Variants in CDK6 observed in about 807,000 individuals in gnomAD.
CDK6 encodes cyclin-dependent kinase 6.
A neutral mutation model predicts 37.1 loss-of-function variants in CDK6; 6 were observed. That is an observed-to-expected ratio of 0.16 (90% CI 0.09 to 0.32). The LOEUF is 0.32. CDK6 is among the 10% of genes least tolerant of loss of function. The pLI is 1.00. For missense variants in CDK6, 224 were observed against 418.9 expected (o/e 0.53, Z 4.06); for synonymous variants, 160 against 161.3 (o/e 0.99, Z 0.06).
intron 2 of CDK6, among the ~76,000 whole-genome samples, chr7:92,812,155 A>T (rs1800901771): frequency 6.6e-6 from 1 of 152,118 alleles, no homozygotes; most frequent in African/African-American, 2.4e-5. Flanking sequence ...ACAAAACAAA[A>T]CAAAACAAAA....
chr7:92,718,449 T>C (rs554946139), intron 4 of CDK6, among the ~76,000 whole-genome samples: 2 of 152,300 alleles, frequency 1.3e-5, no homozygotes, highest in South Asian at 4.1e-4. Flanking sequence ...GTCTCCATAG[T>C]AAATACAACA....
rs1798197197 is a variant in CDK6, at chr7:92,715,146, A to T, written c.537+10480T>A. Among the ~76,000 whole-genome samples, 4 of 152,356 alleles carry T rather than the reference A, an allele frequency of 2.6e-5. No individual in the cohort carries two copies. In the South Asian group the frequency reaches 8.3e-4, roughly 32 times the overall value. Reference sequence around the variant, plus strand: ...TTCCGTACATTTCAAAGCATTGGTAACATTTAAAAAAGTAATTATTAAAAA... The same window carrying T: ...TTCCGTACATTTCAAAGCATTGGTATCATTTAAAAAAGTAATTATTAAAAA... On this transcript the variant is annotated intron_variant, in intron 4 of 7. Transcript: ENST00000424848.
intron 3 of CDK6, among the ~76,000 whole-genome samples, chr7:92,761,726 AAAGT>A (rs1799461292): frequency 1.3e-5 from 2 of 152,254 alleles, no homozygotes; most frequent in Admixed American, 1.3e-4. Flanking sequence ...GGTGATAAAT[AAAGT>A]AAGAAGTCCA....
intron 5 of CDK6, among the ~76,000 whole-genome samples, chr7:92,627,769 T>C (rs963853994): frequency 6.6e-6 from 1 of 152,106 alleles, no homozygotes; most frequent in African/African-American, 2.4e-5. Flanking sequence ...AATTGTACTA[T>C]TTATATTGGT....
At chr7:92,628,514 C>G (rs1795980886) in intron 5 of CDK6, among the ~76,000 whole-genome samples, 1 of 152,116 alleles carries the variant, frequency 6.6e-6, no homozygotes, top group African/African-American at 2.4e-5. Context: ...AATTGGAACT[C>G]AATTAATACA....
At chr7:92,669,098 T>C (rs924086497) in intron 5 of CDK6, among the ~76,000 whole-genome samples, 5 of 152,220 alleles carry the variant, frequency 3.3e-5, no homozygotes, top group African/African-American at 1.2e-4. Flanking sequence ...CCTCCAATAT[T>C]TGAGTCCTAC....
At position 92,835,112 on chromosome 7, in the gene CDK6, C is replaced by G. The variant is rs1304384967; in HGVS notation, c.-368+1366G>C. ...CCCACGATGAGCGGGTGGAGCGGACCGCGGCGAGAGCAGAGCTTCTGGCAC... is the reference window on the plus strand; with the variant it reads ...CCCACGATGAGCGGGTGGAGCGGACGGCGGCGAGAGCAGAGCTTCTGGCAC... On this transcript the variant is annotated intron_variant, in intron 1 of 7. Transcript: ENST00000424848. The surrounding 1 kb of genome is among the most constrained non-coding windows in gnomAD (Gnocchi z 4.2). 1 of 152,224 alleles carries G rather than the reference C, an allele frequency of 6.6e-6. No homozygotes were observed. Among genetic ancestry groups the G allele is most frequent in the African/African-American group, 2.4e-5 (1 of 41,430 alleles). 9.4% of individuals were successfully genotyped at this position (152,224 alleles called of 1,614,324 possible).
At chr7:92,766,705 A>G (rs930510416) in intron 3 of CDK6, among the ~76,000 whole-genome samples, 1 of 152,246 alleles carries the variant, frequency 6.6e-6, no homozygotes, top group Non-Finnish European at 1.5e-5. Flanking sequence ...CCTTCCTTCT[A>G]CGCAGAAGAG....
At chr7:92,824,238 A>G (rs925999788) in intron 2 of CDK6, among the ~76,000 whole-genome samples, 1 of 152,086 alleles carries the variant, frequency 6.6e-6, no homozygotes, top group African/African-American at 2.4e-5. Flanking sequence ...AACAGAGGAC[A>G]CAGAACAAAA....
At chr7:92,725,571 G>A (rs1798492129) in intron 4 of CDK6, 55 bp downstream of exon 4, 11 of 1,524,638 alleles carry the variant, frequency 7.2e-6, no homozygotes, top group Non-Finnish European at 9.9e-6. Flanking sequence ...GGGACAGACT[G>A]TCATTCAAAA....
At chr7:92,685,957 C>T (rs775798530) in intron 4 of CDK6, among the ~76,000 whole-genome samples, 2 of 152,134 alleles carry the variant, frequency 1.3e-5, no homozygotes, top group Non-Finnish European at 2.9e-5. Flanking sequence ...GTCTATAAAG[C>T]CACTCTCCTT....
chr7:92,610,794 C>T lies in CDK6; in HGVS notation c.*4346G>A. On this transcript the variant is annotated 3_prime_UTR_variant, in exon 8 of 8. Transcript: ENST00000424848. The stretch of plus-strand genomic sequence containing the variant: ...TATATACCCAAATATACTTAATGGA[C>T]ATGATAAATGGTTTTGGGTAAGGTT... 4.4e-6 allele frequency: 1 copy of T among 228,118 alleles called. No homozygotes were observed. The highest frequency in any genetic ancestry group is 2.2e-5 in the African/African-American group (1 of 45,184). 14.1% of individuals were successfully genotyped at this position (228,118 alleles called of 1,614,324 possible).
At chr7:92,725,119 T>TG in intron 4 of CDK6, 1 of 985,470 alleles carries the variant, frequency 1.0e-6, no homozygotes, top group Non-Finnish European at 1.2e-6. Context: ...GGCATGGCGG[T>TG]GCTCTACGTT....
chr7:92,832,625 C>T (rs1177077272), intron 2 of CDK6, among the ~76,000 whole-genome samples: 1 of 152,176 alleles, frequency 6.6e-6, no homozygotes, highest in East Asian at 1.9e-4. Flanking sequence ...TTACACTTGG[C>T]TCCACCCATA....
Position 92,755,562 on chromosome 7 carries a change from C to T in CDK6, c.369+19134G>A, listed in dbSNP as rs370184783. 4.5e-4 allele frequency among the ~76,000 whole-genome samples: 69 copies of T among 152,204 alleles called. 1 individual carries two copies. In the South Asian group the frequency reaches 9.8e-3, roughly 22 times the overall value. Reference sequence around the variant, plus strand: ...TGAGAGGAGCTGAAACAATGTGGTGCGCACAAACCAGGAAGAAAATGCTTT... The same window carrying T: ...TGAGAGGAGCTGAAACAATGTGGTGTGCACAAACCAGGAAGAAAATGCTTT... On this transcript the variant is annotated intron_variant, in intron 3 of 7. Transcript: ENST00000424848.
rs1373835832 is a variant in CDK6 at position 92,609,046 on chromosome 7, G to A, written c.*6094C>T. 2 of 233,332 alleles carry A rather than the reference G, an allele frequency of 8.6e-6. No homozygotes were observed. The highest frequency in any genetic ancestry group is 1.7e-5 in the Non-Finnish European group (2 of 118,208). 14.5% of individuals were successfully genotyped at this position (233,332 alleles called of 1,614,324 possible). The stretch of plus-strand genomic sequence containing the variant: ...AGTTCCTGGGAGCAGAGGGGCGAAT[G>A]AGGCGGGGGATTTCTCAGCCAGTTT... On this transcript the variant is annotated 3_prime_UTR_variant, in exon 8 of 8. Coordinates refer to ENST00000424848, the MANE Select transcript of CDK6 (RefSeq NM_001145306.2).
At chr7:92,651,755 C>CT (rs201093773) in intron 5 of CDK6, among the ~76,000 whole-genome samples, 11,540 of 141,412 alleles carry the variant, frequency 0.082, 1,035 homozygotes, top group East Asian at 0.29. Flanking sequence ...TACTAAAAAA[C>CT]TTTTTTTTTT....
chr7:92,661,976 G>C (rs1796849834), intron 5 of CDK6, among the ~76,000 whole-genome samples: 1 of 152,210 alleles, frequency 6.6e-6, no homozygotes, highest in Non-Finnish European at 1.5e-5. Context: ...ATTCTTTCAA[G>C]AAGTCTGGGC....
chr7:92,676,830 GCGCTTGTAGT>G (rs747359232), intron 4 of CDK6, among the ~76,000 whole-genome samples: 17 of 151,822 alleles, frequency 1.1e-4, no homozygotes, highest in Non-Finnish European at 2.4e-4. Flanking sequence ...ACTCTGGTGG[GCGCTTGTAGT>G]CCCAGCTACT....
Sources: allele counts gnomAD v4.1 joint callset (sites outside exome capture counted in the v4.1 genomes callset), GRCh38; gene constraint gnomAD v4.1.1; non-coding constraint Gnocchi (gnomAD v3.1); transcripts MANE v1.5; gene names NCBI Gene and HGNC (gene_info 2026-07-23, HGNC 2026-07-21).